Variants in DCAF10 observed in about 807,000 individuals in gnomAD.
DCAF10 encodes the protein DDB1 and CUL4 associated factor 10, also known as DDB1- and CUL4-associated factor 10.
A neutral mutation model predicts 51.9 loss-of-function variants in DCAF10; 19 were observed. The ratio of observed to expected loss-of-function variants is 0.37; its 90% CI spans 0.26 to 0.54. The LOEUF (loss-of-function observed/expected upper bound fraction) is 0.54. Ranked by LOEUF, DCAF10 falls within the 20% of genes least tolerant of loss-of-function variation. The probability of loss-of-function intolerance (pLI) is 0.87; values close to 1 mark genes in which losing one functional copy is unlikely to be tolerated. For synonymous variants in DCAF10, 291 were observed against 297.1 expected (o/e 0.98, Z 0.21); for missense variants, 510 against 730.6 (o/e 0.70, Z 3.48).
chr9:37,843,922 A>C (rs1166563463), intron 3 of DCAF10, among the ~76,000 whole-genome samples: 1 of 152,240 alleles, frequency 6.6e-6, no homozygotes, highest in Non-Finnish European at 1.5e-5. Context: ...CAGTTAAAAC[A>C]TACAAACCTA....
At chr9:37,859,982 G>T in intron 5 of DCAF10, 66 bp from the exon 6 acceptor site, 1 of 1,589,688 alleles carries the variant, frequency 6.3e-7, no homozygotes, top group Non-Finnish European at 8.6e-7. Context: ...GAAATAAAAA[G>T]CTTTGATGAA....
intron 4 of DCAF10, among the ~76,000 whole-genome samples, chr9:37,856,993 G>A (rs1392891057): frequency 3.3e-5 from 5 of 152,012 alleles, no homozygotes; most frequent in Non-Finnish European, 5.9e-5. Flanking sequence ...ATCCAAAGAC[G>A]CTCCTATGAT....
intron 1 of DCAF10, among the ~76,000 whole-genome samples, chr9:37,811,058 C>T (rs1292601418): frequency 6.6e-6 from 1 of 151,978 alleles, no homozygotes; most frequent in East Asian, 1.9e-4. Context: ...AGCTGAGTGC[C>T]GTGGCTTACA....
rs1205496327 is a variant in DCAF10 at position 37,864,255 on chromosome 9, C to T, written c.*2747C>T. 6.9e-6 allele frequency: 1 copy of T among 145,886 alleles called. No individual in the cohort carries two copies. Among genetic ancestry groups the T allele is most frequent in the African/African-American group, 2.6e-5 (1 of 39,164 alleles). 9.0% of individuals were successfully genotyped at this position (145,886 alleles called of 1,614,324 possible). On this transcript the variant is annotated 3_prime_UTR_variant, in exon 7 of 7. Coordinates refer to ENST00000377724, the MANE Select transcript of DCAF10 (RefSeq NM_024345.5). ...GAGCCAAGATTGCACTATTGCACTCCACCCTGGGCAATAGAGCCAGATCCT... is the reference window on the plus strand; with the variant it reads ...GAGCCAAGATTGCACTATTGCACTCTACCCTGGGCAATAGAGCCAGATCCT...
chr9:37,824,956 T>TTTTATAATAA (rs1829809423), intron 2 of DCAF10, among the ~76,000 whole-genome samples: 1 of 152,130 alleles, frequency 6.6e-6, no homozygotes, highest in Non-Finnish European at 1.5e-5. Flanking sequence ...TATAAAGAAT[T>TTTTATAATAA]AGAAGTCTAC....
intron 1 of DCAF10, among the ~76,000 whole-genome samples, chr9:37,818,754 C>T (rs1272982939): frequency 3.3e-5 from 5 of 152,240 alleles, no homozygotes; most frequent in South Asian, 4.1e-4. Context: ...CATCAATGTA[C>T]ATTTTTTTGG....
At position 37,864,729 on chromosome 9, in the gene DCAF10, A is replaced by G. The variant is rs1272375643; in HGVS notation, c.*3221A>G. 1 of 152,210 alleles carries G rather than the reference A, an allele frequency of 6.6e-6. No individual in the cohort carries two copies. The highest frequency in any genetic ancestry group is 1.5e-5 in the Non-Finnish European group (1 of 68,036). The allele number at this position is 152,210 out of a possible 1,614,324, so 9.4% of individuals were successfully genotyped here. ...CATAAATCGTATCAACTCTGGAAAG[A>G]GTTCATGTCAGATGCTAGACCAGCA... On this transcript the variant is annotated 3_prime_UTR_variant, in exon 7 of 7. Coordinates refer to ENST00000377724, the MANE Select transcript of DCAF10 (RefSeq NM_024345.5).
chr9:37,807,643 A>ATTTTC (rs1564024019), intron 1 of DCAF10, among the ~76,000 whole-genome samples: 43 of 138,452 alleles, frequency 3.1e-4, no homozygotes, highest in Non-Finnish European at 4.7e-4. Context: ...TTACCACTGA[A>ATTTTC]TTTTCTTTTC....
chr9:37,809,368 T>C (rs1829258746), intron 1 of DCAF10, among the ~76,000 whole-genome samples: 1 of 134,070 alleles, frequency 7.5e-6, no homozygotes. Context: ...GGAAAATCAA[T>C]CTAAAGAGAG....
rs138458866 is a variant in DCAF10 at position 37,850,128 on chromosome 9, T to C, written c.852-4652T>C. On this transcript the variant is annotated intron_variant, in intron 3 of 6. Transcript: ENST00000377724. The stretch of plus-strand genomic sequence containing the variant: ...CCAAAGTTTTCTACTCCCTGTTCTA[T>C]ATAGAAAATCTTACAAATTCCTCAG... Among the ~76,000 whole-genome samples, 817 of 152,306 alleles carry C rather than the reference T, an allele frequency of 5.4e-3. 6 individuals are homozygous for C. The highest frequency in any genetic ancestry group is 0.019 in the African/African-American group (783 of 41,568).
chr9:37,814,120 A>G (rs1268001698), intron 1 of DCAF10, among the ~76,000 whole-genome samples: 8 of 81,250 alleles, frequency 9.8e-5, no homozygotes, highest in African/African-American at 4.3e-4. Context: ...ATATATATAT[A>G]TATATATTTG....
At position 37,842,178 on chromosome 9, in the gene DCAF10, C is replaced by G; in HGVS notation, c.743C>G (p.Thr248Ser). 6.2e-7 allele frequency: 1 copy of G among 1,613,942 alleles called. No homozygotes were observed. Among genetic ancestry groups the G allele is most frequent in the East Asian group, 2.2e-5 (1 of 44,824 alleles). ...AGAAAATTGAACACCAAAGTATGCA[C>G]TTTACATGGTCACACTAGCTGGGTG... is the stretch of plus-strand genomic sequence containing the variant. ...DLRKLNTKVCTLHGHTSWVKN... is the reference protein window; with the variant it reads ...DLRKLNTKVCSLHGHTSWVKN... The change falls in exon 3 of 7, where the codon ACT becomes AGT. Residue 248 changes from threonine (T) to serine (S), a missense_variant. Transcript: ENST00000377724.
chr9:37,861,020 A>G lies in DCAF10; in HGVS notation c.1312-120A>G, dbSNP rs1830998351. ...TTGGGAGGGGGATAGCATTATTCTGAGTGATTTCTTGTAAAAATTCTGTGG... is the reference window on the plus strand; with the variant it reads ...TTGGGAGGGGGATAGCATTATTCTGGGTGATTTCTTGTAAAAATTCTGTGG... On this transcript the variant is annotated intron_variant, in intron 6 of 6. Coordinates refer to ENST00000377724, the MANE Select transcript of DCAF10 (RefSeq NM_024345.5). The surrounding 1 kb of genome is among the most constrained non-coding windows in gnomAD (Gnocchi z 4.9). The G allele has an allele frequency of 1.5e-6, 2 of 1,373,512 alleles. No homozygotes were observed. The highest frequency in any genetic ancestry group is 9.8e-7 in the Non-Finnish European group (1 of 1,021,094). 85.1% of individuals were successfully genotyped at this position (1,373,512 alleles called of 1,614,324 possible).
chr9:37,804,668 C>T (rs1829058473), intron 1 of DCAF10, among the ~76,000 whole-genome samples: 1 of 151,684 alleles, frequency 6.6e-6, no homozygotes, highest in Non-Finnish European at 1.5e-5. Context: ...CCCAGCTACT[C>T]AGGAGGCTGA....
rs372999804 is a variant in DCAF10, at chr9:37,801,558, G to A, written c.539+153G>A. ...CGTGCCTCCTGGCACTTTCTGAAGCGCATTCTCGCCCTTGGAATCCCCAGC... is the reference window on the plus strand; with the variant it reads ...CGTGCCTCCTGGCACTTTCTGAAGCACATTCTCGCCCTTGGAATCCCCAGC... On this transcript the variant is annotated intron_variant, in intron 1 of 6. Transcript: ENST00000377724. The surrounding 1 kb of genome is among the most constrained non-coding windows in gnomAD (Gnocchi z 5.5). 2.3e-4 allele frequency: 229 copies of A among 983,044 alleles called. 2 individuals carry two copies. In the South Asian group the frequency reaches 5.7e-3, roughly 24 times the overall value. The allele number at this position is 983,044 out of a possible 1,614,324, so 60.9% of individuals were successfully genotyped here. A position where few individuals can be genotyped will look rare whatever the true frequency, so the allele number is the denominator to read the frequency against.
In DCAF10 at chr9:37,857,252, T is replaced by A. The variant is rs1320387949; in HGVS notation, c.1066T>A (p.Ser356Thr). 1 of 1,597,662 alleles carries A rather than the reference T, an allele frequency of 6.3e-7. No homozygotes were observed. Among genetic ancestry groups the A allele is most frequent in the African/African-American group, 1.4e-5 (1 of 73,798 alleles). Residue 356 changes from serine to threonine, a missense_variant, in exon 5 of 7, where the codon TCA (serine) becomes ACA (threonine). Physicochemically the swap from Ser to Thr is moderately conservative, Grantham distance 58. Around this residue, in one of 4 missense-constraint regions of DCAF10, gnomAD observed 126 missense variants for 271.5 expected, o/e 0.46. Coordinates refer to ENST00000377724, the MANE Select transcript of DCAF10 (RefSeq NM_024345.5). ...TTTATATTTTTAAGATTTGACCACTTCATCAAGTTCATCTGGTCCTAGAGT... is the reference window on the plus strand; with the variant it reads ...TTTATATTTTTAAGATTTGACCACTACATCAAGTTCATCTGGTCCTAGAGT... Reference protein sequence around the residue: ...RTTSSSDLTTSSSSSGPRVSG... With the variant: ...RTTSSSDLTTTSSSSGPRVSG...
chr9:37,802,751 AC>A (rs1306991762), intron 1 of DCAF10, among the ~76,000 whole-genome samples: 3 of 152,178 alleles, frequency 2.0e-5, no homozygotes, highest in Non-Finnish European at 4.4e-5. Context: ...CAGTGGATGC[AC>A]ACCTGAATAA....
At chr9:37,828,078 G>C (rs889091173) in intron 2 of DCAF10, among the ~76,000 whole-genome samples, 3 of 152,034 alleles carry the variant, frequency 2.0e-5, no homozygotes, top group African/African-American at 7.2e-5. Context: ...TGTAGAGACA[G>C]GGTCTTGCTA....
chr9:37,837,269 G>T (rs1339198116), intron 2 of DCAF10, among the ~76,000 whole-genome samples: 1 of 151,844 alleles, frequency 6.6e-6, no homozygotes, highest in Admixed American at 6.6e-5. Flanking sequence ...GACCATCCTG[G>T]CTAACACGGT....
Sources: gnomAD v4.1 joint callset for allele counts (sites outside exome capture counted in the v4.1 genomes callset) on GRCh38, gnomAD v4.1.1 for gene constraint, gnomAD v4.1.1 regional missense constraint, Gnocchi (gnomAD v3.1) non-coding constraint, MANE v1.5 for transcripts, NCBI Gene and HGNC (gene_info 2026-07-23, HGNC 2026-07-21) for gene names.